SUGCT: variants seen among roughly 807,000 people sequenced by gnomAD.
SUGCT encodes the protein succinyl-CoA:glutarate-CoA transferase.
A neutral mutation model predicts 55.0 loss-of-function variants in SUGCT; 41 were observed. The ratio of observed to expected loss-of-function variants is 0.74; its 90% CI spans 0.58 to 0.97. The LOEUF is 0.97. Ranked by LOEUF, SUGCT falls within the 50% of genes least tolerant of loss-of-function variation. The pLI, the probability that SUGCT is intolerant of heterozygous loss-of-function variation, is 0.00. For synonymous variants in SUGCT, 187 were observed against 200.4 expected (o/e 0.93, Z 0.56); for missense variants, 568 against 547.8 (o/e 1.04, Z -0.37).
At chr7:40,236,241 A>T (rs540784912) in intron 6 of SUGCT, among the ~76,000 whole-genome samples, 21 of 151,918 alleles carry the variant, frequency 1.4e-4, no homozygotes, top group African/African-American at 4.8e-4. Context: ...TGTTTTTAGT[A>T]GAGACGGGGT....
In SUGCT at chr7:40,559,416, A is replaced by G. The variant is rs558531246; in HGVS notation, c.1089+63030A>G. 2.0e-5 allele frequency among the ~76,000 whole-genome samples: 3 copies of G among 152,376 alleles called. No homozygotes were observed. In the East Asian group the frequency reaches 5.8e-4, roughly 29 times the overall value. On this transcript the variant is annotated intron_variant, in intron 12 of 13. Coordinates refer to ENST00000335693, the MANE Select transcript of SUGCT (RefSeq NM_001193313.2). ...CTTATTTGTCGTGCTGTTTGTATCT[A>G]TAGGCGACAGCCCTGGATATCACAG...
the SUGCT span, among the ~76,000 whole-genome samples, chr7:40,978,989 TC>T: frequency 1.3e-5 from 2 of 152,338 alleles, no homozygotes; most frequent in East Asian, 3.9e-4. Flanking sequence ...TGCTGTAATT[TC>T]CTTTATATGC....
chr7:40,553,293 T>G (rs911541638), intron 12 of SUGCT, among the ~76,000 whole-genome samples: 4 of 152,196 alleles, frequency 2.6e-5, no homozygotes, highest in Non-Finnish European at 4.4e-5. Flanking sequence ...CTAAGGGTTA[T>G]TCTTTCAGAA....
intron 12 of SUGCT, among the ~76,000 whole-genome samples, chr7:40,531,723 G>A (rs1207840982): frequency 1.3e-5 from 2 of 151,734 alleles, no homozygotes; most frequent in African/African-American, 4.8e-5. Flanking sequence ...ACCCAGGCTG[G>A]AGTGCAGTGG....
intron 13 of SUGCT, among the ~76,000 whole-genome samples, chr7:40,754,875 G>A (rs750857341): frequency 1.3e-5 from 2 of 152,070 alleles, no homozygotes; most frequent in Non-Finnish European, 2.9e-5. Flanking sequence ...ATGTTTTCAC[G>A]TTTTTATGAT....
intron 11 of SUGCT, 132 bp from the exon 12 acceptor site, chr7:40,496,152 A>C (rs1408721661): frequency 1.7e-6 from 1 of 602,342 alleles, no homozygotes; most frequent in Non-Finnish European, 2.9e-6. Context: ...CCTTCTCTCA[A>C]ATGAGGTGTA....
At chr7:40,265,601 A>C (rs189663220) in intron 7 of SUGCT, among the ~76,000 whole-genome samples, 1 of 152,230 alleles carries the variant, frequency 6.6e-6, no homozygotes, top group Admixed American at 6.5e-5. Context: ...TATGTAAGTA[A>C]TCTTTTAAAA....
intron 12 of SUGCT, among the ~76,000 whole-genome samples, chr7:40,723,653 T>A (rs1786464991): frequency 6.6e-6 from 1 of 152,318 alleles, no homozygotes; most frequent in Admixed American, 6.5e-5. Context: ...TTGAATTAAA[T>A]CACGAAACCA....
At chr7:40,655,364 T>C (rs1045710544) in intron 12 of SUGCT, among the ~76,000 whole-genome samples, 1 of 152,214 alleles carries the variant, frequency 6.6e-6, no homozygotes, top group Admixed American at 6.5e-5. Flanking sequence ...TTCCATTCAC[T>C]AGTGTTAATG....
chr7:40,985,742 G>A, the SUGCT span, among the ~76,000 whole-genome samples: 1 of 152,194 alleles, frequency 6.6e-6, no homozygotes, highest in Non-Finnish European at 1.5e-5. Flanking sequence ...GGGAACTGTT[G>A]AAGGTTTTCA....
At chr7:40,219,829 T>G (rs1329181081) in intron 6 of SUGCT, among the ~76,000 whole-genome samples, 1 of 152,234 alleles carries the variant, frequency 6.6e-6, no homozygotes, top group Non-Finnish European at 1.5e-5. Flanking sequence ...AACTTGTTAA[T>G]AAAAAATCTT....
chr7:40,501,429 G>T (rs895330533), intron 12 of SUGCT, among the ~76,000 whole-genome samples: 19 of 152,150 alleles, frequency 1.2e-4, no homozygotes, highest in Middle Eastern at 3.4e-3. Flanking sequence ...AAAACTTCCT[G>T]TGTTATTATT....
At chr7:40,153,599 CTG>C in intron 1 of SUGCT, 2 of 515,034 alleles carry the variant, frequency 3.9e-6, no homozygotes, top group Admixed American at 4.0e-5. Context: ...TACTCAGCCT[CTG>C]TGGTCTGCTA....
intron 13 of SUGCT, chr7:40,782,450 G>A (rs555621048): frequency 6.6e-6 from 1 of 152,106 alleles, no homozygotes; most frequent in Admixed American, 6.5e-5. Context: ...ATTATCTGTG[G>A]TCTATGATAT....
intron 13 of SUGCT, among the ~76,000 whole-genome samples, chr7:40,789,741 T>G (rs1790213626): frequency 6.6e-6 from 1 of 152,166 alleles, no homozygotes; most frequent in Non-Finnish European, 1.5e-5. Flanking sequence ...CTACTTTATA[T>G]TATTCTTTGG....
intron 12 of SUGCT, among the ~76,000 whole-genome samples, chr7:40,688,686 T>C (rs1251803132): frequency 6.6e-6 from 1 of 152,172 alleles, no homozygotes; most frequent in Non-Finnish European, 1.5e-5. Flanking sequence ...TGGAATGAGA[T>C]TGTGGTGTAA....
intron 1 of SUGCT, among the ~76,000 whole-genome samples, chr7:40,162,272 A>AT (rs1784204872): frequency 6.6e-6 from 1 of 152,190 alleles, no homozygotes; most frequent in Non-Finnish European, 1.5e-5. Flanking sequence ...TAAAGTTGTC[A>AT]TCGCTTATGT....
intron 12 of SUGCT, among the ~76,000 whole-genome samples, chr7:40,606,046 G>A (rs80083059): frequency 0.023 from 3,472 of 152,280 alleles, 128 homozygotes; most frequent in African/African-American, 0.08. Flanking sequence ...AGGAGAGTGT[G>A]AGGGCTGCTT....
intron 12 of SUGCT, among the ~76,000 whole-genome samples, chr7:40,616,737 G>A (rs915852011): frequency 2.0e-5 from 3 of 152,176 alleles, no homozygotes; most frequent in Non-Finnish European, 2.9e-5. Flanking sequence ...AAGTCCTGTT[G>A]GGGAACAGTC....
Sources: gnomAD v4.1 joint callset for allele counts (sites outside exome capture counted in the v4.1 genomes callset) on GRCh38, gnomAD v4.1.1 for gene constraint, MANE v1.5 for transcripts, NCBI Gene and HGNC (gene_info 2026-07-23, HGNC 2026-07-21) for gene names.